The following DNAH5 variants were observed in gnomAD, a reference collection of about 807,000 sequenced individuals.
The protein encoded by DNAH5 is dynein axonemal heavy chain 5, also known as axonemal beta dynein heavy chain 5.
Under a neutral mutation model 518.2 loss-of-function variants are expected in DNAH5, and 372 were observed. The ratio of observed to expected loss-of-function variants is 0.72; its 90% CI spans 0.66 to 0.78. DNAH5 has a LOEUF of 0.78. DNAH5 is among the 30% of genes least tolerant of loss of function. The pLI is 0.00. For missense variants in DNAH5, 5,523 were observed against 5,687.0 expected (o/e 0.97, Z 0.93); for synonymous variants, 2,039 against 2,025.9 (o/e 1.01, Z -0.17).
At chr5:13,778,776 G>C (rs1388238397) in intron 53 of DNAH5, among the ~76,000 whole-genome samples, 1 of 152,154 alleles carries the variant, frequency 6.6e-6, no homozygotes, top group Non-Finnish European at 1.5e-5. Flanking sequence ...TTGCATCTCA[G>C]CCTTAGCCAC....
intron 29 of DNAH5, chr5:13,860,162 T>C (rs1768203389): frequency 6.5e-6 from 1 of 153,768 alleles, no homozygotes; most frequent in Admixed American, 6.5e-5. Flanking sequence ...TACTGCCTCT[T>C]CCATAGTTAA....
intron 1 of DNAH5, among the ~76,000 whole-genome samples, chr5:13,958,386 A>G (rs1780922890): frequency 1.3e-5 from 2 of 152,286 alleles, no homozygotes; most frequent in Middle Eastern, 3.4e-3. Flanking sequence ...TGAACATGTT[A>G]AAATTATTTA....
chr5:13,998,849 T>C (rs1282675714), intron 1 of DNAH5, among the ~76,000 whole-genome samples: 5 of 152,164 alleles, frequency 3.3e-5, no homozygotes, highest in African/African-American at 1.2e-4. Context: ...GAGAATTTCT[T>C]TTCTTTTTTC....
At chr5:13,714,702 C>CATACCCTCATAGAAGCATT in intron 74 of DNAH5, 82 bp from the exon 75 acceptor site, 1 of 1,350,590 alleles carries the variant, frequency 7.4e-7, no homozygotes, top group Non-Finnish European at 1.0e-6. Flanking sequence ...AACAAAAATG[C>CATACCCTCATAGAAGCATT]TTCTATGAGG....
intron 12 of DNAH5, among the ~76,000 whole-genome samples, chr5:13,908,474 ACT>A (rs1459059710): frequency 1.3e-5 from 2 of 151,686 alleles, no homozygotes; most frequent in Non-Finnish European, 2.9e-5. Context: ...CCTGGGCTGA[ACT>A]CTCTGTCAAC....
chr5:13,977,796 G>T (rs983185160), intron 1 of DNAH5, among the ~76,000 whole-genome samples: 1 of 152,176 alleles, frequency 6.6e-6, no homozygotes, highest in African/African-American at 2.4e-5. Context: ...AGTCCTTGGT[G>T]GGGGCTGGGA....
At chr5:13,995,745 T>C (rs986571902) in intron 1 of DNAH5, among the ~76,000 whole-genome samples, 9 of 152,238 alleles carry the variant, frequency 5.9e-5, no homozygotes, top group Non-Finnish European at 1.3e-4. Flanking sequence ...AGGTGTGTTT[T>C]TGGCCACAAA....
At chr5:13,716,424 A>T in intron 74 of DNAH5, 63 bp downstream of exon 74, 1 of 1,172,904 alleles carries the variant, frequency 8.5e-7, no homozygotes, top group Non-Finnish European at 1.3e-6. Context: ...AGTGTAATTA[A>T]TACCCAAAAC....
chr5:13,990,531 C>CAAAAA (rs1783460133), intron 1 of DNAH5, among the ~76,000 whole-genome samples: 1 of 151,250 alleles, frequency 6.6e-6, no homozygotes, highest in African/African-American at 2.4e-5. Context: ...CCAGCCTGGG[C>CAAAAA]GACAGAGCGA....
chr5:13,904,243 G>A (rs1775009118), intron 12 of DNAH5, among the ~76,000 whole-genome samples: 1 of 150,904 alleles, frequency 6.6e-6, no homozygotes, highest in African/African-American at 2.4e-5. Flanking sequence ...GATTGTAGAA[G>A]TAACTCTATA....
At chr5:13,714,833 T>G (rs1744077259) in intron 74 of DNAH5, among the ~76,000 whole-genome samples, 1 of 152,174 alleles carries the variant, frequency 6.6e-6, no homozygotes, top group Admixed American at 6.5e-5. Context: ...GGCTCATGGC[T>G]CTTTACAGTC....
intron 1 of DNAH5, among the ~76,000 whole-genome samples, chr5:13,936,327 G>A (rs1170843867): frequency 6.6e-6 from 1 of 152,142 alleles, no homozygotes; most frequent in African/African-American, 2.4e-5. Context: ...ACAATCTACA[G>A]ACTCAAAATT....
At chr5:13,926,298 C>T (rs1036762156) in intron 3 of DNAH5, among the ~76,000 whole-genome samples, 1 of 152,188 alleles carries the variant, frequency 6.6e-6, no homozygotes, top group African/African-American at 2.4e-5. Context: ...AAACCACCAC[C>T]GTGCCCACAA....
In DNAH5 at chr5:13,870,954, A is replaced by G; in HGVS notation, c.3647T>C (p.Val1216Ala). The G allele has an allele frequency of 6.2e-7, 1 of 1,613,800 alleles. No individual in the cohort carries two copies. Among genetic ancestry groups the G allele is most frequent in the South Asian group, 1.1e-5 (1 of 91,080 alleles). Residue 1216 changes from valine to alanine, a missense_variant, in exon 24 of 79, where the codon GTC becomes GCC. This residue lies in a region of DNAH5 where 5,121 missense variants were observed against 5,223.3 expected (regional missense o/e 0.98). Coordinates refer to ENST00000265104, the MANE Select transcript of DNAH5 (RefSeq NM_001369.3). The part of the protein sequence containing the change: ...LTAETKAWMV[V>A]IGRHCNKKYR... ...TTTTTTGTTACAGTGGCGTCCAATG[A>G]CAACCATCCAGGCCTTTGTCTCAGC... is the stretch of plus-strand genomic sequence containing the variant.
chr5:13,876,395 T>C (rs1770888957), intron 22 of DNAH5, among the ~76,000 whole-genome samples: 2 of 152,242 alleles, frequency 1.3e-5, no homozygotes, highest in African/African-American at 4.8e-5. Context: ...GTCTGACTTG[T>C]AGTTTGGAAC....
At chr5:13,778,605 A>AGAGAGG (rs1561235078) in intron 53 of DNAH5, among the ~76,000 whole-genome samples, 2 of 151,308 alleles carry the variant, frequency 1.3e-5, no homozygotes, top group Non-Finnish European at 3.0e-5. Flanking sequence ...AAAGAGAGAG[A>AGAGAGG]GAAAGAAAAA....
At chr5:13,965,492 G>C (rs1781468636) in intron 1 of DNAH5, among the ~76,000 whole-genome samples, 2 of 152,026 alleles carry the variant, frequency 1.3e-5, no homozygotes, top group Admixed American at 6.5e-5. Context: ...ACTATATATA[G>C]AACAACTAAC....
At chr5:13,966,915 G>A (rs1209633857) in intron 1 of DNAH5, among the ~76,000 whole-genome samples, 2 of 152,188 alleles carry the variant, frequency 1.3e-5, no homozygotes, top group Admixed American at 6.5e-5. Context: ...AGGCTGGAGT[G>A]CAGTGGTGTG....
intron 1 of DNAH5, among the ~76,000 whole-genome samples, chr5:13,937,943 T>C (rs1029186465): frequency 6.6e-6 from 1 of 152,216 alleles, no homozygotes; most frequent in Non-Finnish European, 1.5e-5. Flanking sequence ...GCCATTCTCC[T>C]ATCCCCATCC....
Sources: allele counts gnomAD v4.1 joint callset (sites outside exome capture counted in the v4.1 genomes callset), GRCh38; gene constraint gnomAD v4.1.1; regional missense constraint gnomAD v4.1.1; transcripts MANE v1.5; gene names NCBI Gene and HGNC (gene_info 2026-07-23, HGNC 2026-07-21).